The following STPG2 variants were observed in gnomAD, a reference collection of about 807,000 sequenced individuals.
The protein encoded by STPG2 is sperm tail PG-rich repeat containing 2, also known as sperm-tail PG-rich repeat-containing protein 2.
In STPG2, 56 loss-of-function variants were observed where a neutral mutation model predicts 54.2. The observed-to-expected ratio is 1.03, with a 90% CI of 0.83 to 1.29. STPG2 has a LOEUF of 1.29. Ranked by LOEUF, STPG2 falls within the 50% of genes most tolerant of loss-of-function variation. The pLI is 0.00. For synonymous variants in STPG2, 200 were observed against 181.8 expected, an observed-to-expected ratio of 1.10 and a Z score of -0.81; for missense variants, 596 against 544.9, an observed-to-expected ratio of 1.09 and a Z score of -0.93.
At chr4:97,604,532 A>G (rs1289470636) in intron 10 of STPG2, among the ~76,000 whole-genome samples, 1 of 151,666 alleles carries the variant, frequency 6.6e-6, no homozygotes, top group African/African-American at 2.4e-5. Context: ...CTGAGAGTCA[A>G]AATATCATCT....
intron 4 of STPG2, among the ~76,000 whole-genome samples, chr4:97,449,899 C>A (rs977654630): frequency 1.3e-5 from 2 of 152,076 alleles, no homozygotes; most frequent in Non-Finnish European, 1.5e-5. Flanking sequence ...CTTCTTTTAA[C>A]AGCATAAACA....
At chr4:97,738,851 A>C (rs1377398678) in intron 9 of STPG2, among the ~76,000 whole-genome samples, 3 of 152,222 alleles carry the variant, frequency 2.0e-5, no homozygotes, top group African/African-American at 7.2e-5. Context: ...TCAGCTCTGC[A>C]CCAAGTGGAC....
intron 8 of STPG2, among the ~76,000 whole-genome samples, chr4:97,893,793 G>C (rs28464726): frequency 0.016 from 2,396 of 152,048 alleles, 27 homozygotes; most frequent in Non-Finnish European, 0.026. Context: ...CAGAGGTTCT[G>C]CCAATAAGAA....
chr4:97,902,534 A>G (rs1731217778), intron 8 of STPG2, among the ~76,000 whole-genome samples: 1 of 152,154 alleles, frequency 6.6e-6, no homozygotes. Context: ...GCCAATAGAT[A>G]TATGAACTAA....
At chr4:97,795,206 C>A (rs644839) in intron 9 of STPG2, among the ~76,000 whole-genome samples, 88,608 of 151,872 alleles carry the variant, frequency 0.58, 26,401 homozygotes, top group East Asian at 0.74. Flanking sequence ...TTCTTTCTTT[C>A]TTTATTATAC....
chr4:97,912,400 C>A (rs945648044), intron 8 of STPG2, among the ~76,000 whole-genome samples: 1 of 152,122 alleles, frequency 6.6e-6, no homozygotes, highest in South Asian at 2.1e-4. Context: ...TGTAACCCAA[C>A]ACAAAGAAGC....
intron 5 of STPG2, among the ~76,000 whole-genome samples, chr4:98,101,116 T>G (rs1739023834): frequency 6.6e-6 from 1 of 152,162 alleles, no homozygotes; most frequent in South Asian, 2.1e-4. Context: ...CCTACCAGAT[T>G]TTTTCTTTGT....
At chr4:97,770,856 G>A (rs1174757731) in intron 9 of STPG2, among the ~76,000 whole-genome samples, 2 of 152,218 alleles carry the variant, frequency 1.3e-5, no homozygotes, top group South Asian at 2.1e-4. Flanking sequence ...GGGATGGGAT[G>A]AGTCAGGCAG....
intron 4 of STPG2, among the ~76,000 whole-genome samples, chr4:97,497,664 T>C (rs1730639582): frequency 6.6e-6 from 1 of 151,928 alleles, no homozygotes; most frequent in African/African-American, 2.4e-5. Context: ...TATGTTGAGT[T>C]AGAATTTTTA....
intron 5 of STPG2, among the ~76,000 whole-genome samples, chr4:98,047,346 T>C (rs13118892): frequency 0.4 from 59,941 of 151,742 alleles, 12,058 homozygotes; most frequent in Middle Eastern, 0.46. Context: ...CCCATACACT[T>C]ATTTAAACTT....
intron 8 of STPG2, among the ~76,000 whole-genome samples, chr4:97,887,852 G>C (rs1055804550): frequency 1.1e-4 from 17 of 152,322 alleles, no homozygotes; most frequent in African/African-American, 4.1e-4. Context: ...ATGGTTTTGT[G>C]AGCCAGGCCC....
Sources: gnomAD v4.1 joint callset for allele counts (sites outside exome capture counted in the v4.1 genomes callset) on GRCh38, gnomAD v4.1.1 for gene constraint, MANE v1.5 for transcripts, NCBI Gene and HGNC (gene_info 2026-07-23, HGNC 2026-07-21) for gene names.